The following PPP1R12A variants were observed in gnomAD, a reference collection of about 807,000 sequenced individuals.
The protein encoded by PPP1R12A is protein phosphatase 1 regulatory subunit 12A, also known as myosin binding subunit.
A neutral mutation model predicts 139.6 loss-of-function variants in PPP1R12A; 19 were observed. That is an observed-to-expected ratio of 0.14 (90% CI 0.09 to 0.20). The LOEUF (loss-of-function observed/expected upper bound fraction) is 0.20. Among genes scored for constraint, PPP1R12A ranks in the 10% least tolerant of loss-of-function variants. PPP1R12A has a pLI of 1.00. For missense variants in PPP1R12A, 925 were observed against 1,211.5 expected (o/e 0.76, Z 3.51); for synonymous variants, 427 against 420.6 (o/e 1.02, Z -0.19).
At chr12:79,861,478 C>T (rs908122912) in intron 2 of PPP1R12A, among the ~76,000 whole-genome samples, 7 of 152,176 alleles carry the variant, frequency 4.6e-5, no homozygotes, top group Non-Finnish European at 1.0e-4. Flanking sequence ...GGGTGCAGCC[C>T]GCAGAGGGCG....
intron 1 of PPP1R12A, among the ~76,000 whole-genome samples, chr12:79,902,284 C>T (rs1044100477): frequency 9.2e-5 from 14 of 152,012 alleles, no homozygotes; most frequent in African/African-American, 2.2e-4. Flanking sequence ...ATATCAGTAC[C>T]GATGCTTAAC....
At chr12:79,896,758 C>T (rs1885170606) in intron 1 of PPP1R12A, among the ~76,000 whole-genome samples, 1 of 152,220 alleles carries the variant, frequency 6.6e-6, no homozygotes, top group Admixed American at 6.5e-5. Context: ...GATCTTTCCT[C>T]ATTTGTGTAT....
chr12:79,935,292 G>T, upstream of PPP1R12A: 1 of 1,060,542 alleles, frequency 9.4e-7, no homozygotes, highest in Non-Finnish European at 1.1e-6. Flanking sequence ...AACTGCGGCG[G>T]TGGTGGCTGG....
intron 2 of PPP1R12A, among the ~76,000 whole-genome samples, chr12:79,866,970 T>G (rs1176533872): frequency 6.6e-6 from 1 of 152,136 alleles, no homozygotes; most frequent in Non-Finnish European, 1.5e-5. Flanking sequence ...CATTACTGGG[T>G]AGATACCCAA....
intron 2 of PPP1R12A, among the ~76,000 whole-genome samples, chr12:79,860,201 T>C (rs1881162369): frequency 6.6e-6 from 1 of 152,184 alleles, no homozygotes; most frequent in Admixed American, 6.5e-5. Flanking sequence ...ACAGAAAAGA[T>C]TATATCCAAA....
At chr12:79,818,153 A>G (rs976989769) in intron 8 of PPP1R12A, among the ~76,000 whole-genome samples, 8 of 152,234 alleles carry the variant, frequency 5.3e-5, no homozygotes, top group African/African-American at 1.7e-4. Flanking sequence ...TACTAGGGAT[A>G]TATCAGCCAA....
chr12:79,805,869 T>C, intron 13 of PPP1R12A, 101 bp from the exon 14 acceptor site: 1 of 1,284,192 alleles, frequency 7.8e-7, no homozygotes, highest in East Asian at 2.5e-5. Context: ...CAGGGATGGA[T>C]TTTTTTAAAA....
rs369246640 is a variant in PPP1R12A at position 79,811,022 on chromosome 12, CCT to C, written c.1240-1014_1240-1013del. On this transcript the variant is annotated intron_variant, in intron 9 of 24. Transcript: ENST00000450142. ...CTTTCCAACAACCCTAAAAATGCAA[CCT>C]CTGTTATCTTTAGATCACTTCATCA... Among the ~76,000 whole-genome samples the C allele has an allele frequency of 8.9e-4, 136 of 152,164 alleles. 3 individuals are homozygous for C. The highest frequency in any genetic ancestry group is 3.1e-3 in the African/African-American group (128 of 41,518).
chr12:79,832,556 C>G, intron 3 of PPP1R12A, 65 bp from the exon 4 acceptor site: 2 of 1,396,474 alleles, frequency 1.4e-6, no homozygotes, highest in Non-Finnish European at 1.9e-6. Flanking sequence ...GGAAATAAAA[C>G]TATCCAAAAC....
intron 4 of PPP1R12A, among the ~76,000 whole-genome samples, chr12:79,830,546 T>C (rs547637221): frequency 6.6e-6 from 1 of 152,288 alleles, no homozygotes; most frequent in South Asian, 2.1e-4. Flanking sequence ...AACTGTTACT[T>C]TGATTGAATT....
At chr12:79,907,487 G>C (rs1886223698) in intron 1 of PPP1R12A, among the ~76,000 whole-genome samples, 1 of 152,142 alleles carries the variant, frequency 6.6e-6, no homozygotes, top group Non-Finnish European at 1.5e-5. Flanking sequence ...ATATTTTCTT[G>C]GGAGGGAATG....
intron 1 of PPP1R12A, among the ~76,000 whole-genome samples, chr12:79,877,682 A>G (rs1477519777): frequency 6.6e-6 from 1 of 152,046 alleles, no homozygotes. Context: ...TGCCTGGCTA[A>G]TTCTTGTATT....
Position 79,828,135 on chromosome 12 carries a change from G to A in PPP1R12A, c.792+185C>T, listed in dbSNP as rs17006014. The stretch of plus-strand genomic sequence containing the variant: ...GTACAAGGCCAGAACCACCTCATAC[G>A]GTAGCTGAAAAGACTTAAACCATTA... On this transcript the variant is annotated intron_variant, in intron 5 of 24. Transcript: ENST00000450142. The A allele has an allele frequency of 4.0e-3, 1,743 of 434,136 alleles. 27 individuals carry two copies. Among genetic ancestry groups the A allele is most frequent in the African/African-American group, 0.031 (1,507 of 48,948 alleles). 26.9% of individuals were successfully genotyped at this position (434,136 alleles called of 1,614,324 possible).
chr12:79,864,257 T>G (rs1261889284), intron 2 of PPP1R12A, among the ~76,000 whole-genome samples: 1 of 152,026 alleles, frequency 6.6e-6, no homozygotes, highest in Admixed American at 6.6e-5. Flanking sequence ...AATAACGAAA[T>G]GAAGGCAGAG....
At chr12:79,931,467 T>G (rs866012564) in intron 1 of PPP1R12A, among the ~76,000 whole-genome samples, 41 of 152,098 alleles carry the variant, frequency 2.7e-4, no homozygotes, top group Admixed American at 6.6e-4. Flanking sequence ...AGAAAAGATT[T>G]TAAGGCTAAA....
chr12:79,834,444 T>A (rs1168726946), intron 3 of PPP1R12A, among the ~76,000 whole-genome samples: 1 of 152,194 alleles, frequency 6.6e-6, no homozygotes, highest in Non-Finnish European at 1.5e-5. Context: ...TGGAGGCTAC[T>A]GCAATAATCT....
intron 14 of PPP1R12A, 68 bp downstream of exon 14, chr12:79,805,524 T>C: frequency 1.4e-6 from 2 of 1,476,206 alleles, no homozygotes; most frequent in South Asian, 2.7e-5. Context: ...AAGATCTTTT[T>C]TAAAACAAAA....
intron 20 of PPP1R12A, chr12:79,789,528 T>C: frequency 2.6e-6 from 1 of 391,516 alleles, no homozygotes; most frequent in Non-Finnish European, 5.0e-6. Context: ...GGGTTTGTCC[T>C]AAGCAGGAAA....
intron 21 of PPP1R12A, 167 bp downstream of exon 21, chr12:79,788,481 A>T: frequency 1.7e-6 from 1 of 596,236 alleles, no homozygotes; most frequent in Non-Finnish European, 2.8e-6. Flanking sequence ...TCTTCCCTTT[A>T]ATAAACAAAC....
Sources: gnomAD v4.1 joint callset for allele counts (sites outside exome capture counted in the v4.1 genomes callset) on GRCh38, gnomAD v4.1.1 for gene constraint, MANE v1.5 for transcripts, NCBI Gene and HGNC (gene_info 2026-07-23, HGNC 2026-07-21) for gene names.